FKBP5: variants seen among roughly 807,000 people sequenced by gnomAD.
FKBP5 encodes the protein FKBP prolyl isomerase 5, also known as peptidyl-prolyl cis-trans isomerase FKBP5.
In FKBP5, 23 loss-of-function variants were observed where a neutral mutation model predicts 50.5. The ratio of observed to expected loss-of-function variants is 0.46; its 90% CI spans 0.33 to 0.65. FKBP5 has a LOEUF of 0.65. FKBP5 is among the 30% of genes least tolerant of loss of function. FKBP5 has a pLI of 0.02. For synonymous variants in FKBP5, 176 were observed against 190.6 expected (o/e 0.92, Z 0.63); for missense variants, 411 against 553.1 (o/e 0.74, Z 2.58).
intron 1 of FKBP5, among the ~76,000 whole-genome samples, chr6:35,677,118 G>A (rs1554137533): frequency 6.6e-6 from 1 of 152,218 alleles, no homozygotes; most frequent in Non-Finnish European, 1.5e-5. Context: ...CTGTCGCCCA[G>A]GCTGGAGTGC....
At chr6:35,578,898 T>A (rs1762321530) in intron 9 of FKBP5, among the ~76,000 whole-genome samples, 1 of 152,082 alleles carries the variant, frequency 6.6e-6, no homozygotes, top group East Asian at 1.9e-4. Context: ...CTGTGCTGGG[T>A]GTGGTACCTC....
chr6:35,585,321 T>TA, intron 8 of FKBP5: 2 of 980,396 alleles, frequency 2.0e-6, no homozygotes, highest in Non-Finnish European at 2.4e-6. Context: ...GATATACAAA[T>TA]AACCCACTTG....
intron 5 of FKBP5, among the ~76,000 whole-genome samples, chr6:35,607,153 G>A (rs1412793645): frequency 6.6e-6 from 1 of 152,074 alleles, no homozygotes; most frequent in Non-Finnish European, 1.5e-5. Context: ...GGCCAGGCTG[G>A]TCTTGAACTC....
intron 3 of FKBP5, among the ~76,000 whole-genome samples, chr6:35,626,314 T>C (rs1419431605): frequency 6.6e-6 from 1 of 152,162 alleles, no homozygotes; most frequent in Admixed American, 6.5e-5. Context: ...TGCATTATAC[T>C]TTTTCTTCCT....
At chr6:35,645,135 T>C (rs1764595893) in intron 1 of FKBP5, among the ~76,000 whole-genome samples, 2 of 152,258 alleles carry the variant, frequency 1.3e-5, no homozygotes, top group South Asian at 2.1e-4. Context: ...GATGTAGTGA[T>C]GTGATTTAGA....
intron 2 of FKBP5, among the ~76,000 whole-genome samples, chr6:35,714,732 G>A (rs1403123254): frequency 7.3e-5 from 11 of 149,974 alleles, no homozygotes; most frequent in African/African-American, 2.2e-4. Flanking sequence ...CATGAGAATC[G>A]CTTGAACCTG....
At chr6:35,586,633 A>T in intron 8 of FKBP5, 1 of 1,000,084 alleles carries the variant, frequency 1.0e-6, no homozygotes, top group Admixed American at 5.8e-5. Flanking sequence ...AGAAAGAAAA[A>T]TGATGTGAAA....
chr6:35,639,647 T>TA (rs1036902808), intron 2 of FKBP5, among the ~76,000 whole-genome samples: 6 of 152,088 alleles, frequency 3.9e-5, no homozygotes, highest in African/African-American at 1.2e-4. Flanking sequence ...AGAAGCCTTC[T>TA]AAAAAAAGAC....
At chr6:35,633,146 C>A (rs1764209455) in intron 3 of FKBP5, among the ~76,000 whole-genome samples, 1 of 152,026 alleles carries the variant, frequency 6.6e-6, no homozygotes, top group South Asian at 2.1e-4. Context: ...GGGAGAGGTA[C>A]AATATAAGGG....
At chr6:35,595,081 G>T (rs1762943358) in intron 6 of FKBP5, among the ~76,000 whole-genome samples, 1 of 152,198 alleles carries the variant, frequency 6.6e-6, no homozygotes, top group South Asian at 2.1e-4. Flanking sequence ...TTATGAGATG[G>T]ATACTGTCAT....
chr6:35,599,894 C>T (rs951532689), intron 5 of FKBP5, among the ~76,000 whole-genome samples: 1 of 152,150 alleles, frequency 6.6e-6, no homozygotes, highest in African/African-American at 2.4e-5. Flanking sequence ...TCACGCTTCA[C>T]TTAAGGATGG....
chr6:35,676,693 A>C (rs1341990074), intron 1 of FKBP5, among the ~76,000 whole-genome samples: 1 of 152,232 alleles, frequency 6.6e-6, no homozygotes, highest in South Asian at 2.1e-4. Flanking sequence ...TCAATTATCT[A>C]GGGCAATATA....
rs1360719627 is a variant in FKBP5 at position 35,575,210 on chromosome 6, AG to A, written c.*624del. The A allele has an allele frequency of 6.6e-6, 1 of 152,276 alleles. No homozygotes were observed. The highest frequency in any genetic ancestry group is 1.5e-5 in the Non-Finnish European group (1 of 68,082). The allele number at this position is 152,276 out of a possible 1,614,324, so 9.4% of individuals were successfully genotyped here. ...ACTCTCACAAGGAGGCTGGCTGAGG[AG>A]GGGGACTTTGGGAGGAGGCTAAGTC... On this transcript the variant is annotated 3_prime_UTR_variant, in exon 11 of 11. Coordinates refer to ENST00000357266, the MANE Select transcript of FKBP5 (RefSeq NM_004117.4).
At chr6:35,669,845 C>A (rs1467702501) in intron 1 of FKBP5, among the ~76,000 whole-genome samples, 1 of 152,146 alleles carries the variant, frequency 6.6e-6, no homozygotes, top group Non-Finnish European at 1.5e-5. Context: ...CTTTACTGGA[C>A]AATAACTATA....
chr6:35,667,057 G>GTA (rs1278537681), intron 1 of FKBP5, among the ~76,000 whole-genome samples: 1 of 132,548 alleles, frequency 7.5e-6, no homozygotes, highest in Non-Finnish European at 1.6e-5. Flanking sequence ...GTGTGTGTGT[G>GTA]TATACATAGA....
In FKBP5 at chr6:35,701,189, T is replaced by C. The variant is rs577331441; in HGVS notation, c.-20+19139A>G. On this transcript the variant is annotated intron_variant, in intron 2 of 11. Transcript: ENST00000536438. ...TCTGAAATTCAGATAAGAATTTAAC[T>C]AGGAGTGCTGTGTTTTTGTTTGTTT... 4.6e-5 allele frequency among the ~76,000 whole-genome samples: 7 copies of C among 151,532 alleles called. No homozygotes were observed. In the East Asian group the frequency reaches 1.4e-3, roughly 29 times the overall value.
intron 5 of FKBP5, among the ~76,000 whole-genome samples, chr6:35,618,835 C>T (rs1581821290): frequency 2.0e-5 from 3 of 152,224 alleles, no homozygotes; most frequent in South Asian, 2.1e-4. Flanking sequence ...GCTGGGAATA[C>T]AGGCGTGCAC....
chr6:35,722,314 TATGA>T (rs561733307), intron 1 of FKBP5, among the ~76,000 whole-genome samples: 24 of 152,288 alleles, frequency 1.6e-4, no homozygotes, highest in African/African-American at 5.5e-4. Context: ...GCTAAACATT[TATGA>T]ATGAATGAAT....
In FKBP5 at chr6:35,591,794, A is replaced by T. The variant is rs375136274; in HGVS notation, c.666-574T>A. ...ACTATTTAAGTTTTTTTAAAAGCAC[A>T]TGAAGAAACACAAATAACATAATGA... is the stretch of plus-strand genomic sequence containing the variant. On this transcript the variant is annotated intron_variant, in intron 6 of 10. Transcript: ENST00000357266. 3.7e-4 allele frequency among the ~76,000 whole-genome samples: 56 copies of T among 152,336 alleles called. 2 individuals carry two copies. In the East Asian group the frequency reaches 5.0e-3, roughly 14 times the overall value.
Sources: gnomAD v4.1 joint callset for allele counts (sites outside exome capture counted in the v4.1 genomes callset) on GRCh38, gnomAD v4.1.1 for gene constraint, MANE v1.5 for transcripts, NCBI Gene and HGNC (gene_info 2026-07-23, HGNC 2026-07-21) for gene names.